The following FANCC variants were observed in gnomAD, a reference collection of about 807,000 sequenced individuals.
The protein encoded by FANCC is FA complementation group C, also known as Fanconi anemia group C protein.
FANCC carries 55 observed loss-of-function variants against 71.3 expected under a neutral mutation model. The observed-to-expected ratio is 0.77, with a 90% CI of 0.62 to 0.97. The LOEUF (loss-of-function observed/expected upper bound fraction) is 0.97, where lower values mean the gene tolerates loss of function less well. FANCC is among the 50% of genes least tolerant of loss of function. FANCC has a pLI of 0.00. For synonymous variants in FANCC, 275 were observed against 244.9 expected, an observed-to-expected ratio of 1.12 and a Z score of -1.15; for missense variants, 678 against 670.9, an observed-to-expected ratio of 1.01 and a Z score of -0.12.
At chr9:95,199,391 C>T (rs1273038477) in intron 4 of FANCC, among the ~76,000 whole-genome samples, 4 of 152,102 alleles carry the variant, frequency 2.6e-5, no homozygotes, top group Non-Finnish European at 5.9e-5. Flanking sequence ...ACCATGCCTC[C>T]TCCCAGTGCG....
At chr9:95,284,499 G>A (rs896290374) in intron 1 of FANCC, among the ~76,000 whole-genome samples, 1 of 152,106 alleles carries the variant, frequency 6.6e-6, no homozygotes, top group East Asian at 1.9e-4. Context: ...GCAAATAACT[G>A]GGAAAAGAGT....
At chr9:95,167,910 G>T (rs1340635686) in intron 6 of FANCC, among the ~76,000 whole-genome samples, 3 of 151,982 alleles carry the variant, frequency 2.0e-5, no homozygotes, top group Non-Finnish European at 4.4e-5. Flanking sequence ...GTTGTATTTT[G>T]TACATTTAAA....
chr9:95,279,069 C>A (rs556017178), intron 1 of FANCC, among the ~76,000 whole-genome samples: 2 of 152,098 alleles, frequency 1.3e-5, no homozygotes, highest in East Asian at 3.9e-4. Flanking sequence ...AATCCCAGAA[C>A]TCTGGGAGGT....
Position 95,149,914 on chromosome 9 carries a change from G to C in FANCC, c.686+9C>G. On this transcript the variant is annotated intron_variant, in intron 7 of 14. Coordinates refer to ENST00000289081, the MANE Select transcript of FANCC (RefSeq NM_000136.3). ...CGACGCAGGATGACAGGAAACATTT[G>C]CCACTTACAGCAAAATGGCCTCGTT... is the stretch of plus-strand genomic sequence containing the variant. The C allele has an allele frequency of 6.3e-7, 1 of 1,590,780 alleles. No homozygotes were observed. Among genetic ancestry groups the C allele is most frequent in the Non-Finnish European group, 8.6e-7 (1 of 1,168,258 alleles).
intron 4 of FANCC, among the ~76,000 whole-genome samples, chr9:95,198,887 G>A (rs891417871): frequency 6.6e-6 from 1 of 151,860 alleles, no homozygotes; most frequent in Non-Finnish European, 1.5e-5. Flanking sequence ...ACAGGTGTGC[G>A]CCAGCATACC....
chr9:95,108,271 G>A lies in FANCC; in HGVS notation c.1330-1002C>T, dbSNP rs577314265. Among the ~76,000 whole-genome samples, 7 of 152,286 alleles carry A rather than the reference G, an allele frequency of 4.6e-5. No homozygotes were observed. The South Asian group carries it at 6.2e-4, about 14-fold the overall frequency. ...AAACTGCACCATCGGGCTCTTCCAC[G>A]GGGAGCGGCAGCGCTCCAGCAGGGC... On this transcript the variant is annotated intron_variant, in intron 13 of 14. Coordinates refer to ENST00000289081, the MANE Select transcript of FANCC (RefSeq NM_000136.3).
chr9:95,278,316 T>C (rs1229502534), intron 1 of FANCC, among the ~76,000 whole-genome samples: 2 of 152,230 alleles, frequency 1.3e-5, no homozygotes, highest in African/African-American at 4.8e-5. Context: ...TTTACAATGA[T>C]ATGAAAGTGA....
In FANCC at chr9:95,294,688, G is replaced by C. The variant is rs544701761; in HGVS notation, c.-79+22838C>G. The stretch of plus-strand genomic sequence containing the variant: ...GGGGAGCTTGTTCTTCACCAACAAC[G>C]AAACTCAAACAACAATGGACGACTT... On this transcript the variant is annotated intron_variant, in intron 1 of 14. Coordinates refer to ENST00000289081, the MANE Select transcript of FANCC (RefSeq NM_000136.3). 5 of 1,596,132 alleles carry C rather than the reference G, an allele frequency of 3.1e-6. No individual in the cohort carries two copies. The African/African-American group carries it at 5.4e-5, about 17-fold the overall frequency.
At chr9:95,200,782 T>C (rs893703063) in intron 4 of FANCC, among the ~76,000 whole-genome samples, 2 of 152,204 alleles carry the variant, frequency 1.3e-5, no homozygotes, top group African/African-American at 2.4e-5. Context: ...AAGTAACTTA[T>C]GCATATAACA....
At chr9:95,278,293 AC>A (rs1290317388) in intron 1 of FANCC, among the ~76,000 whole-genome samples, 7 of 152,244 alleles carry the variant, frequency 4.6e-5, no homozygotes, top group African/African-American at 1.7e-4. Context: ...GGTTAGACTT[AC>A]AATTTTTTGA....
intron 4 of FANCC, among the ~76,000 whole-genome samples, chr9:95,206,954 C>G (rs1406258617): frequency 6.6e-6 from 1 of 152,122 alleles, no homozygotes; most frequent in Non-Finnish European, 1.5e-5. Context: ...CATAGGAACT[C>G]AGAAAAAGAG....
chr9:95,204,107 A>G (rs1331525734), intron 4 of FANCC, among the ~76,000 whole-genome samples: 1 of 152,248 alleles, frequency 6.6e-6, no homozygotes, highest in Non-Finnish European at 1.5e-5. Flanking sequence ...CACGGTTAGT[A>G]TATGCTAATG....
chr9:95,181,240 T>C (rs545620100), intron 4 of FANCC, among the ~76,000 whole-genome samples: 65 of 152,064 alleles, frequency 4.3e-4, no homozygotes, highest in Non-Finnish European at 8.7e-4. Flanking sequence ...AATTCTGTAA[T>C]ATAAGTGGCT....
At chr9:95,245,082 C>T (rs968200286) in intron 3 of FANCC, among the ~76,000 whole-genome samples, 8 of 152,100 alleles carry the variant, frequency 5.3e-5, no homozygotes, top group African/African-American at 1.9e-4. Flanking sequence ...TGTATTACAT[C>T]CACGATGTAC....
Position 95,111,618 on chromosome 9 carries a change from C to G in FANCC, c.1174G>C (p.Glu392Gln), listed in dbSNP as rs764699293. 3 of 1,614,188 alleles carry G rather than the reference C, an allele frequency of 1.9e-6. No individual in the cohort carries two copies. Among genetic ancestry groups the G allele is most frequent in the South Asian group, 1.1e-5 (1 of 91,086 alleles). ...QTHGSCGGPFESWFLFIHFGG... is the reference protein window; with the variant it reads ...QTHGSCGGPFQSWFLFIHFGG... ...AAGTGAATGAACAGGAACCAGCTCT[C>G]AAAGGGACCTCCGCAGGACCTGGAA... The change falls in exon 13 of 15, where the codon GAG becomes CAG. Residue 392 changes from glutamate (E) to glutamine (Q), a missense_variant. Physicochemically the swap from Glu to Gln is conservative, Grantham distance 29. Coordinates refer to ENST00000289081, the MANE Select transcript of FANCC (RefSeq NM_000136.3).
chr9:95,131,977 G>C (rs1443013852), intron 8 of FANCC, among the ~76,000 whole-genome samples: 2 of 152,174 alleles, frequency 1.3e-5, no homozygotes, highest in African/African-American at 4.8e-5. Flanking sequence ...GTTCTTATTA[G>C]ATAAAGTAAT....
At chr9:95,186,659 A>C (rs1420357991) in intron 4 of FANCC, 1 of 152,246 alleles carries the variant, frequency 6.6e-6, no homozygotes. Context: ...TGTGAAAACA[A>C]ACATAAAACA....
At chr9:95,174,372 C>G (rs922802499) in intron 4 of FANCC, among the ~76,000 whole-genome samples, 19 of 152,082 alleles carry the variant, frequency 1.2e-4, no homozygotes, top group Non-Finnish European at 1.9e-4. Context: ...CCCCCAAAGC[C>G]CCTCTTAATA....
chr9:95,309,164 TATC>T (rs943836298), intron 1 of FANCC, among the ~76,000 whole-genome samples: 1 of 152,208 alleles, frequency 6.6e-6, no homozygotes, highest in Non-Finnish European at 1.5e-5. Flanking sequence ...TCAAAATACT[TATC>T]ATCAAGCAAA....
Sources: gnomAD v4.1 joint callset for allele counts (sites outside exome capture counted in the v4.1 genomes callset) on GRCh38, gnomAD v4.1.1 for gene constraint, MANE v1.5 for transcripts, NCBI Gene and HGNC (gene_info 2026-07-23, HGNC 2026-07-21) for gene names.